The following RD3 variants were observed in gnomAD, a reference collection of about 807,000 sequenced individuals.
RD3 encodes the protein RD3 regulator of GUCY2D.
Under a neutral mutation model 16.9 loss-of-function variants are expected in RD3, and 11 were observed. The ratio of observed to expected loss-of-function variants is 0.65; its 90% CI spans 0.41 to 1.08. The LOEUF is 1.08. Among genes scored for constraint, RD3 ranks in the 50% least tolerant of loss-of-function variants. The pLI, the probability that RD3 is intolerant of heterozygous loss-of-function variation, is 0.00. For missense variants in RD3, 274 were observed against 267.4 expected (o/e 1.02, Z -0.17); for synonymous variants, 116 against 114.8 (o/e 1.01, Z -0.07).
chr1:211,488,669 CTTG>C (rs1705425826), intron 1 of RD3, among the ~76,000 whole-genome samples: 1 of 152,186 alleles, frequency 6.6e-6, no homozygotes, highest in African/African-American at 2.4e-5. Context: ...CTGGGCCCTG[CTTG>C]TTAAGACCCC....
chr1:211,490,810 C>T (rs1197595690), intron 1 of RD3, among the ~76,000 whole-genome samples: 1 of 152,200 alleles, frequency 6.6e-6, no homozygotes, highest in African/African-American at 2.4e-5. Flanking sequence ...CTGCAGCCGG[C>T]CCCTCACTTC....
In RD3 at chr1:211,479,156, G is replaced by A. The variant is rs148189077; in HGVS notation, c.468C>T (p.Arg156=). The change falls in exon 3 of 3, where the codon CGC becomes CGT. Residue 156 remains arginine (R), a synonymous_variant. Coordinates refer to ENST00000680073, the MANE Select transcript of RD3 (RefSeq NM_001164688.2). ...PRGSLATFKT[R]ARISPFASDI... is the part of the protein sequence containing the mutation. ...CGCTGGCGAAGGGCGAGATGCGCGC[G>A]CGGGTCTTGAAGGTGGCCAGGCTGC... 10 of 1,612,880 alleles carry A rather than the reference G, an allele frequency of 6.2e-6. No individual in the cohort carries two copies. Among genetic ancestry groups the A allele is most frequent in the Middle Eastern group, 3.3e-4 (2 of 6,056 alleles).
chr1:211,485,243 G>A, intron 1 of RD3, among the ~76,000 whole-genome samples: 1 of 152,130 alleles, frequency 6.6e-6, no homozygotes, highest in East Asian at 1.9e-4. Flanking sequence ...TGAATTTTGT[G>A]GGCTCTAAGC....
At chr1:211,480,736 A>C (rs1209176840) in intron 2 of RD3, among the ~76,000 whole-genome samples, 2 of 152,176 alleles carry the variant, frequency 1.3e-5, no homozygotes, top group African/African-American at 2.4e-5. Flanking sequence ...ATAATTAAGA[A>C]TCTGACTTTG....
At chr1:211,491,524 A>T (rs1206027798) in intron 1 of RD3, among the ~76,000 whole-genome samples, 2 of 152,192 alleles carry the variant, frequency 1.3e-5, no homozygotes. Context: ...GGAGCAGGCT[A>T]TAGCCCCGAG....
In RD3 at chr1:211,478,132, T is replaced by C. The variant is rs1705181122; in HGVS notation, c.*904A>G. 2.5e-6 allele frequency: 1 copy of C among 398,534 alleles called. No homozygotes were observed. The highest frequency in any genetic ancestry group is 4.4e-6 in the Non-Finnish European group (1 of 226,098). The allele number at this position is 398,534 out of a possible 1,614,324, so 24.7% of individuals were successfully genotyped here. Reference sequence around the variant, plus strand: ...CTGGAATTGAGAAACCTGGGCTCTTTAGGGCAGCATCTGAAGTCCTTGGAG... The same window carrying C: ...CTGGAATTGAGAAACCTGGGCTCTTCAGGGCAGCATCTGAAGTCCTTGGAG... On this transcript the variant is annotated 3_prime_UTR_variant, in exon 3 of 3. Coordinates refer to ENST00000680073, the MANE Select transcript of RD3 (RefSeq NM_001164688.2).
At chr1:211,487,481 C>T (rs192466036) in intron 1 of RD3, among the ~76,000 whole-genome samples, 216 of 152,332 alleles carry the variant, frequency 1.4e-3, no homozygotes, top group African/African-American at 4.5e-3. Flanking sequence ...TTGGCCCCTA[C>T]AAGAGCAAAT....
intron 1 of RD3, among the ~76,000 whole-genome samples, chr1:211,489,354 G>T (rs148592572): frequency 1.3e-5 from 2 of 151,794 alleles, no homozygotes; most frequent in East Asian, 3.9e-4. Flanking sequence ...ATGAATGAGG[G>T]TCATAGACCA....
At chr1:211,487,136 A>G (rs917309503) in intron 1 of RD3, among the ~76,000 whole-genome samples, 1 of 152,122 alleles carries the variant, frequency 6.6e-6, no homozygotes, top group Non-Finnish European at 1.5e-5. Flanking sequence ...ATCCAGATCC[A>G]CCAAAGGGAA....
chr1:211,483,187 C>T (rs1705309915), intron 1 of RD3, among the ~76,000 whole-genome samples: 1 of 151,876 alleles, frequency 6.6e-6, no homozygotes, highest in Non-Finnish European at 1.5e-5. Context: ...ACAGGCCAGG[C>T]ATGATGGCTC....
chr1:211,488,627 G>A (rs1433493389), intron 1 of RD3, among the ~76,000 whole-genome samples: 1 of 151,832 alleles, frequency 6.6e-6, no homozygotes, highest in Non-Finnish European at 1.5e-5. Context: ...AAAACAAGAA[G>A]AAAAGAAATG....
chr1:211,483,766 C>T (rs1431640755), intron 1 of RD3, among the ~76,000 whole-genome samples: 3 of 152,176 alleles, frequency 2.0e-5, no homozygotes, highest in Non-Finnish European at 4.4e-5. Context: ...AGGATTCCAT[C>T]AGTTCAGGCA....
At chr1:211,481,063 T>C (rs1048070161) in intron 2 of RD3, 57 bp downstream of exon 2, 54 of 1,592,498 alleles carry the variant, frequency 3.4e-5, no homozygotes, top group South Asian at 2.5e-4. Flanking sequence ...CCCCTGCCAC[T>C]GCAGCCACCT....
intron 1 of RD3, among the ~76,000 whole-genome samples, chr1:211,489,458 A>G (rs1476308717): frequency 6.6e-6 from 1 of 151,988 alleles, no homozygotes; most frequent in Non-Finnish European, 1.5e-5. Flanking sequence ...ATTATCTGGT[A>G]TGCTCATCAC....
intron 1 of RD3, among the ~76,000 whole-genome samples, chr1:211,488,204 G>T (rs762782184): frequency 3.1e-4 from 47 of 152,288 alleles, no homozygotes; most frequent in South Asian, 1.0e-3. Flanking sequence ...GTGATCAGGG[G>T]TTGTAATTCT....
At chr1:211,485,074 A>G (rs1034614904) in intron 1 of RD3, among the ~76,000 whole-genome samples, 3 of 152,218 alleles carry the variant, frequency 2.0e-5, no homozygotes, top group African/African-American at 7.2e-5. Context: ...TAAGGCCAGA[A>G]GCAAGCCCGA....
Position 211,478,827 on chromosome 1 carries a change from C to CT in RD3, c.*208_*209insA. ...AGCGCAGGAGAGGGAGAGGGCGGTG[C>CT]CGCTCTACGACCTAACTCAGCTTTG... On this transcript the variant is annotated 3_prime_UTR_variant, in exon 3 of 3. Transcript: ENST00000680073. 8.7e-6 allele frequency: 5 copies of CT among 577,364 alleles called. No individual in the cohort carries two copies. Among genetic ancestry groups the CT allele is most frequent in the Non-Finnish European group, 1.5e-5 (5 of 327,722 alleles). 35.8% of individuals were successfully genotyped at this position (577,364 alleles called of 1,614,324 possible). A position where few individuals can be genotyped will look rare whatever the true frequency, so the allele number is the denominator to read the frequency against.
At chr1:211,482,137 G>T (rs1705279383) in intron 1 of RD3, among the ~76,000 whole-genome samples, 1 of 150,046 alleles carries the variant, frequency 6.7e-6, no homozygotes, top group Admixed American at 6.6e-5. Flanking sequence ...CAGGAGAATT[G>T]CCTGAACCCG....
intron 1 of RD3, among the ~76,000 whole-genome samples, chr1:211,486,402 G>A (rs543020464): frequency 6.6e-6 from 1 of 151,344 alleles, no homozygotes; most frequent in South Asian, 2.1e-4. Flanking sequence ...CTAGTCGGGA[G>A]GTGGAAGAAT....
Sources: allele counts gnomAD v4.1 joint callset (sites outside exome capture counted in the v4.1 genomes callset), GRCh38; gene constraint gnomAD v4.1.1; transcripts MANE v1.5; gene names NCBI Gene and HGNC (gene_info 2026-07-23, HGNC 2026-07-21).